Variants in CCDC146 observed in about 807,000 individuals in gnomAD.
CCDC146 encodes coiled-coil domain containing 146.
Under a neutral mutation model 119.3 loss-of-function variants are expected in CCDC146, and 92 were observed. The ratio of observed to expected loss-of-function variants is 0.77; its 90% CI spans 0.65 to 0.92. CCDC146 has a LOEUF of 0.92. Ranked by LOEUF, CCDC146 falls within the 40% of genes least tolerant of loss-of-function variation. The pLI, the probability that CCDC146 is intolerant of heterozygous loss-of-function variation, is 0.00. For synonymous variants in CCDC146, 372 were observed against 371.8 expected, an observed-to-expected ratio of 1.00 and a Z score of -0.01; for missense variants, 1,000 against 1,103.0, an observed-to-expected ratio of 0.91 and a Z score of 1.32.
At chr7:77,217,744 G>A (rs1001513723) in intron 2 of CCDC146, among the ~76,000 whole-genome samples, 3 of 152,096 alleles carry the variant, frequency 2.0e-5, no homozygotes, top group East Asian at 1.9e-4. Flanking sequence ...GCTATATGGT[G>A]TAGCCTATAG....
At chr7:77,276,193 G>A (rs1046424890) in intron 11 of CCDC146, among the ~76,000 whole-genome samples, 11 of 126,084 alleles carry the variant, frequency 8.7e-5, no homozygotes, top group Admixed American at 9.0e-5. Context: ...GTGACAGAGC[G>A]AGACTTCCTC....
In CCDC146 at chr7:77,279,101, G is replaced by T; in HGVS notation, c.1694G>T (p.Arg565Ile). The T allele has an allele frequency of 6.2e-7, 1 of 1,609,934 alleles. No individual in the cohort carries two copies. The highest frequency in any genetic ancestry group is 1.1e-5 in the South Asian group (1 of 89,950). Residue 565 changes from arginine to isoleucine, a missense_variant and splice_region_variant, in exon 13 of 19, where the codon AGA becomes ATA. Arg to Ile is a moderately conservative substitution (Grantham distance 97). Coordinates refer to ENST00000285871, the MANE Select transcript of CCDC146 (RefSeq NM_020879.3). ...AGAAATAGTGCCGTTAGTCAAGAAA[G>T]GTAAGTGTTATAATAACTATTGGCC... ...ILRNSAVSQE[R>I]KLQNSMLKHA...
chr7:77,287,118 C>T lies in CCDC146; in HGVS notation c.2277+192C>T, dbSNP rs1031019884. 3 of 703,510 alleles carry T rather than the reference C, an allele frequency of 4.3e-6. No individual in the cohort carries two copies. In the African/African-American group the frequency reaches 5.4e-5, roughly 13 times the overall value. 43.6% of individuals were successfully genotyped at this position (703,510 alleles called of 1,614,324 possible). A position where few individuals can be genotyped will look rare whatever the true frequency, so the allele number is the denominator to read the frequency against. ...GACACTTGCCAAAAGAAGTTCCAAT[C>T]CAGTGGTTTCGAGATTCCAAAGGCA... On this transcript the variant is annotated intron_variant, in intron 16 of 18. Transcript: ENST00000285871.
intron 2 of CCDC146, among the ~76,000 whole-genome samples, chr7:77,176,924 C>T (rs1297381059): frequency 1.3e-5 from 2 of 152,006 alleles, no homozygotes; most frequent in Admixed American, 6.6e-5. Context: ...CAACTTCTAC[C>T]TTCTGGGCTC....
At chr7:77,185,925 A>G (rs969962892) in intron 2 of CCDC146, among the ~76,000 whole-genome samples, 1 of 152,258 alleles carries the variant, frequency 6.6e-6, no homozygotes, top group African/African-American at 2.4e-5. Context: ...AGAAGTGCAA[A>G]TCAAAACTCC....
At chr7:77,176,246 A>G (rs1386729661) in intron 2 of CCDC146, among the ~76,000 whole-genome samples, 5 of 151,142 alleles carry the variant, frequency 3.3e-5, no homozygotes, top group Admixed American at 3.3e-4. Flanking sequence ...TCTTGTTAAT[A>G]TCTCTTGAAT....
At chr7:77,242,411 C>T (rs994191666) in intron 4 of CCDC146, 59 of 984,896 alleles carry the variant, frequency 6.0e-5, no homozygotes, top group Non-Finnish European at 7.1e-5. Flanking sequence ...TAGATTGTTC[C>T]TCAGGATCAA....
intron 2 of CCDC146, among the ~76,000 whole-genome samples, chr7:77,234,171 A>G (rs1282080563): frequency 6.6e-6 from 1 of 152,138 alleles, no homozygotes; most frequent in East Asian, 1.9e-4. Flanking sequence ...CCATATACAT[A>G]CAAACACACA....
At chr7:77,129,549 T>C (rs1014943163) in intron 1 of CCDC146, among the ~76,000 whole-genome samples, 2 of 152,030 alleles carry the variant, frequency 1.3e-5, no homozygotes, top group East Asian at 1.9e-4. Context: ...TAATTCATAG[T>C]GTATATAGAG....
chr7:77,271,494 T>TACAC (rs1554360497), intron 9 of CCDC146, among the ~76,000 whole-genome samples: 2 of 136,692 alleles, frequency 1.5e-5, no homozygotes, highest in African/African-American at 5.6e-5. Context: ...TATATATATA[T>TACAC]ACACACACAC....
chr7:77,211,150 A>G (rs1342724181), intron 2 of CCDC146, among the ~76,000 whole-genome samples: 1 of 152,214 alleles, frequency 6.6e-6, no homozygotes, highest in Non-Finnish European at 1.5e-5. Flanking sequence ...ATAAAACATT[A>G]GCTCTCAGTA....
intron 2 of CCDC146, among the ~76,000 whole-genome samples, chr7:77,223,271 C>T (rs952182028): frequency 1.3e-5 from 2 of 152,192 alleles, no homozygotes; most frequent in African/African-American, 4.8e-5. Flanking sequence ...CACTTATTGG[C>T]ATGGATGTGT....
chr7:77,196,834 C>T lies in CCDC146; in HGVS notation c.156+29010C>T, dbSNP rs777734007. The T allele has an allele frequency of 1.9e-6, 3 of 1,614,004 alleles. No individual in the cohort carries two copies. The highest frequency in any genetic ancestry group is 2.5e-6 in the Non-Finnish European group (3 of 1,179,998). On this transcript the variant is annotated intron_variant, in intron 2 of 18. Coordinates refer to ENST00000285871, the MANE Select transcript of CCDC146 (RefSeq NM_020879.3). The surrounding 1 kb of genome is among the most constrained non-coding windows in gnomAD (Gnocchi z 4.2). ...AGTTGGTGCTCCCATCGAGACGTGC[C>T]TGCAGCACTGTCCAGCCTCCCCCCA...
At chr7:77,194,923 T>A (rs1048105067) in intron 2 of CCDC146, 6 of 152,160 alleles carry the variant, frequency 3.9e-5, no homozygotes, top group African/African-American at 1.4e-4. Context: ...TACTTCTGTT[T>A]GGGTAAAAAT....
chr7:77,177,792 G>A (rs569717065), intron 2 of CCDC146, among the ~76,000 whole-genome samples: 14 of 151,988 alleles, frequency 9.2e-5, no homozygotes, highest in South Asian at 2.1e-4. Flanking sequence ...GCATGTTTTC[G>A]CTTTTCCTTC....
chr7:77,185,250 A>AACTCTGC (rs1791648612), intron 2 of CCDC146, among the ~76,000 whole-genome samples: 1 of 152,210 alleles, frequency 6.6e-6, no homozygotes, highest in African/African-American at 2.4e-5. Context: ...AGTATGCAGA[A>AACTCTGC]ACAAGAATCT....
At chr7:77,194,891 G>T (rs1387292526) in intron 2 of CCDC146, 2 of 152,142 alleles carry the variant, frequency 1.3e-5, no homozygotes, top group African/African-American at 2.4e-5. Context: ...TTCCAGAATT[G>T]ATGAATTATA....
At chr7:77,256,013 T>C (rs1209063323) in intron 5 of CCDC146, among the ~76,000 whole-genome samples, 1 of 152,190 alleles carries the variant, frequency 6.6e-6, no homozygotes, top group Non-Finnish European at 1.5e-5. Flanking sequence ...TCATGCTTCT[T>C]GGTATGAAAT....
chr7:77,124,604 T>G (rs1301414048), intron 1 of CCDC146, among the ~76,000 whole-genome samples: 1 of 152,186 alleles, frequency 6.6e-6, no homozygotes, highest in Non-Finnish European at 1.5e-5. Context: ...AAAATGAAAT[T>G]ATTCACCTCA....
Sources: gnomAD v4.1 joint callset for allele counts (sites outside exome capture counted in the v4.1 genomes callset) on GRCh38, gnomAD v4.1.1 for gene constraint, Gnocchi (gnomAD v3.1) non-coding constraint, MANE v1.5 for transcripts, NCBI Gene and HGNC (gene_info 2026-07-23, HGNC 2026-07-21) for gene names.